CCDC171: variants seen among roughly 807,000 people sequenced by gnomAD.
The protein encoded by CCDC171 is coiled-coil domain containing 171.
A neutral mutation model predicts 168.2 loss-of-function variants in CCDC171; 177 were observed. That is an observed-to-expected ratio of 1.05 (90% CI 0.93 to 1.19). CCDC171 has a LOEUF of 1.19. CCDC171 is among the 50% of genes most tolerant of loss of function. The pLI is 0.00. For synonymous variants in CCDC171, 687 were observed against 540.8 expected, an observed-to-expected ratio of 1.27 and a Z score of -3.75; for missense variants, 1,991 against 1,539.0, an observed-to-expected ratio of 1.29 and a Z score of -4.91.
chr9:15,587,175 C>T (rs1374023931), intron 4 of CCDC171, among the ~76,000 whole-genome samples: 1 of 152,042 alleles, frequency 6.6e-6, no homozygotes, highest in Non-Finnish European at 1.5e-5. Context: ...CACTCTATGC[C>T]GGATGTTGGA....
chr9:15,916,383 T>C (rs1357502483), intron 24 of CCDC171, among the ~76,000 whole-genome samples: 1 of 141,338 alleles, frequency 7.1e-6, no homozygotes, highest in East Asian at 2.1e-4. Context: ...TTTAGTATAT[T>C]TGGCATATGT....
At chr9:15,857,843 G>C (rs146415324) in intron 23 of CCDC171, among the ~76,000 whole-genome samples, 1 of 151,924 alleles carries the variant, frequency 6.6e-6, no homozygotes, top group East Asian at 1.9e-4. Flanking sequence ...CCATATATGT[G>C]TGGATTTATT....
At chr9:15,664,039 A>C (rs1587824150) in intron 8 of CCDC171, among the ~76,000 whole-genome samples, 1 of 152,306 alleles carries the variant, frequency 6.6e-6, no homozygotes, top group South Asian at 2.1e-4. Flanking sequence ...GATCTGACTT[A>C]GAATTGGGAG....
chr9:15,909,006 C>T (rs908006529), intron 24 of CCDC171, among the ~76,000 whole-genome samples: 14 of 152,174 alleles, frequency 9.2e-5, no homozygotes, highest in Admixed American at 2.0e-4. Flanking sequence ...TTTGCATTAC[C>T]TGTTTAACCA....
At chr9:15,667,614 C>G (rs1462226149) in intron 9 of CCDC171, among the ~76,000 whole-genome samples, 2 of 152,066 alleles carry the variant, frequency 1.3e-5, no homozygotes, top group Non-Finnish European at 2.9e-5. Context: ...CCATTGCACT[C>G]CAGCCTGGGC....
chr9:16,088,781 C>T, the CCDC171 span, among the ~76,000 whole-genome samples: 1 of 152,178 alleles, frequency 6.6e-6, no homozygotes, highest in South Asian at 2.1e-4. Context: ...AAATGCCATA[C>T]TGCCCAAAGT....
At chr9:15,889,089 A>T (rs1819856275) in intron 24 of CCDC171, 3 of 149,068 alleles carry the variant, frequency 2.0e-5, no homozygotes, top group Non-Finnish European at 4.5e-5. Flanking sequence ...CTCCACAATA[A>T]CTGGGACCAC....
chr9:16,031,788 AG>A (rs1401351145), intron 6 of CCDC171, among the ~76,000 whole-genome samples: 1 of 152,090 alleles, frequency 6.6e-6, no homozygotes, highest in Non-Finnish European at 1.5e-5. Flanking sequence ...AGGCTCAACT[AG>A]GGGGAACATG....
chr9:15,687,163 C>G (rs10810427), intron 10 of CCDC171, among the ~76,000 whole-genome samples: 69,073 of 152,018 alleles, frequency 0.45, 15,999 homozygotes, highest in Non-Finnish European at 0.5. Flanking sequence ...AAATAACCAG[C>G]AAGTCTAAAA....
intron 24 of CCDC171, among the ~76,000 whole-genome samples, chr9:15,914,916 T>C (rs1824279877): frequency 6.6e-6 from 1 of 152,136 alleles, no homozygotes; most frequent in South Asian, 2.1e-4. Context: ...CCTGACCCCT[T>C]GTGCTTCCCG....
intron 24 of CCDC171, among the ~76,000 whole-genome samples, chr9:15,898,054 A>T (rs1433178478): frequency 6.6e-6 from 1 of 152,190 alleles, no homozygotes; most frequent in Non-Finnish European, 1.5e-5. Flanking sequence ...TAACACCAAT[A>T]CACCTACAGG....
At chr9:15,617,930 G>A (rs2044211882) in intron 6 of CCDC171, among the ~76,000 whole-genome samples, 1 of 152,158 alleles carries the variant, frequency 6.6e-6, no homozygotes, top group African/African-American at 2.4e-5. Context: ...TCTCTTATAT[G>A]AGGTGTCTGT....
At chr9:15,934,885 A>T (rs931983024) in intron 25 of CCDC171, among the ~76,000 whole-genome samples, 1 of 152,094 alleles carries the variant, frequency 6.6e-6, no homozygotes, top group African/African-American at 2.4e-5. Flanking sequence ...TCGTTATGCT[A>T]AGTGAAAGAA....
intron 24 of CCDC171, among the ~76,000 whole-genome samples, chr9:15,897,398 C>T (rs957938584): frequency 6.6e-6 from 1 of 151,772 alleles, no homozygotes; most frequent in African/African-American, 2.4e-5. Flanking sequence ...ATGTTTTTAG[C>T]ATCAAAAGAT....
intron 11 of CCDC171, among the ~76,000 whole-genome samples, chr9:15,710,267 T>A (rs1303931532): frequency 1.3e-5 from 2 of 152,112 alleles, no homozygotes; most frequent in African/African-American, 4.8e-5. Context: ...TGGCTGATTT[T>A]AAAAAATCTG....
intron 21 of CCDC171, among the ~76,000 whole-genome samples, chr9:15,829,214 C>A (rs373067452): frequency 6.6e-6 from 1 of 152,150 alleles, no homozygotes. Context: ...TAGCAGGAAT[C>A]TGTATTTCAA....
chr9:15,936,420 A>G (rs1827125738), intron 25 of CCDC171, among the ~76,000 whole-genome samples: 1 of 152,004 alleles, frequency 6.6e-6, no homozygotes, highest in Non-Finnish European at 1.5e-5. Context: ...ATTTACAATC[A>G]GAACACACAG....
intron 8 of CCDC171, among the ~76,000 whole-genome samples, chr9:15,658,308 C>G (rs2048084803): frequency 6.6e-6 from 1 of 152,032 alleles, no homozygotes; most frequent in Non-Finnish European, 1.5e-5. Flanking sequence ...TTGGGACAGA[C>G]AGATATGAAA....
Position 15,935,287 on chromosome 9 carries a change from G to T in CCDC171, c.3753+14865G>T, listed in dbSNP as rs535842195. Among the ~76,000 whole-genome samples the T allele has an allele frequency of 2.6e-5, 4 of 152,116 alleles. No individual in the cohort carries two copies. The East Asian group carries it at 7.8e-4, about 30-fold the overall frequency. On this transcript the variant is annotated intron_variant, in intron 25 of 25. Transcript: ENST00000380701. The stretch of plus-strand genomic sequence containing the variant: ...GTGGAAAGAGCATGACAGAGACTCA[G>T]AGGAAATTTGAGTTCTAGAGCAAAC...
Sources: allele counts gnomAD v4.1 joint callset (sites outside exome capture counted in the v4.1 genomes callset), GRCh38; gene constraint gnomAD v4.1.1; transcripts MANE v1.5; gene names NCBI Gene and HGNC (gene_info 2026-07-23, HGNC 2026-07-21).